TMEM232: variants seen among roughly 807,000 people sequenced by gnomAD.
TMEM232 encodes the protein transmembrane protein 232.
TMEM232 carries 80 observed loss-of-function variants against 78.8 expected under a neutral mutation model. That is an observed-to-expected ratio of 1.01 (90% CI 0.85 to 1.22). The LOEUF is 1.22. Among genes scored for constraint, TMEM232 ranks in the 50% most tolerant of loss-of-function variants. The probability of loss-of-function intolerance (pLI) is 0.00; values close to 1 mark genes in which losing one functional copy is unlikely to be tolerated. For missense variants in TMEM232, 881 were observed against 742.2 expected (o/e 1.19, Z -2.17); for synonymous variants, 297 against 254.3 (o/e 1.17, Z -1.60).
chr5:110,551,031 C>T (rs1464262832), intron 11 of TMEM232, among the ~76,000 whole-genome samples: 1 of 151,442 alleles, frequency 6.6e-6, no homozygotes, highest in Non-Finnish European at 1.5e-5. Flanking sequence ...TTTAAAAGTA[C>T]CAACATAATA....
chr5:110,451,284 G>C (rs1760247543), intron 12 of TMEM232, among the ~76,000 whole-genome samples: 1 of 152,104 alleles, frequency 6.6e-6, no homozygotes, highest in Non-Finnish European at 1.5e-5. Context: ...TTGAGAGCAA[G>C]AATATTTTCT....
rs1758026853 is a variant in TMEM232, at chr5:110,432,973, C to T, written c.1704-8057G>A. ...TATATGCACTCAATATTGGAGCACC[C>T]GGCTTTATAAAACACTTACTTCTAG... On this transcript the variant is annotated intron_variant, in intron 12 of 13. Transcript: ENST00000455884. Among the ~76,000 whole-genome samples the T allele has an allele frequency of 4.6e-5, 7 of 151,838 alleles. No homozygotes were observed. In the South Asian group the frequency reaches 1.2e-3, roughly 27 times the overall value.
At chr5:110,737,365 C>T (rs1046575745) in intron 1 of TMEM232, among the ~76,000 whole-genome samples, 12 of 151,816 alleles carry the variant, frequency 7.9e-5, no homozygotes, top group African/African-American at 2.9e-4. Flanking sequence ...GTATGTTATC[C>T]ATGCCAGAAA....
chr5:110,723,923 A>G (rs947443510), intron 1 of TMEM232, among the ~76,000 whole-genome samples: 5 of 152,168 alleles, frequency 3.3e-5, no homozygotes, highest in African/African-American at 1.2e-4. Flanking sequence ...TCACCTTGCT[A>G]TCAAGAGATG....
At chr5:110,392,897 A>G (rs1027084878) in intron 3 of TMEM232, among the ~76,000 whole-genome samples, 1 of 152,192 alleles carries the variant, frequency 6.6e-6, no homozygotes, top group African/African-American at 2.4e-5. Context: ...GTTGTCCCAC[A>G]ATATCTCATT....
At chr5:110,591,964 T>C (rs1356029121) in intron 10 of TMEM232, among the ~76,000 whole-genome samples, 2 of 152,172 alleles carry the variant, frequency 1.3e-5, no homozygotes, top group Non-Finnish European at 2.9e-5. Flanking sequence ...CCATTTTCTG[T>C]GGTCCTGTGG....
At chr5:110,654,721 C>A (rs1272238263) in intron 2 of TMEM232, among the ~76,000 whole-genome samples, 1 of 152,134 alleles carries the variant, frequency 6.6e-6, no homozygotes, top group Non-Finnish European at 1.5e-5. Flanking sequence ...GGCATTGAAT[C>A]TATAAATTAC....
intron 2 of TMEM232, among the ~76,000 whole-genome samples, chr5:110,662,345 T>C (rs1191920235): frequency 2.0e-5 from 3 of 152,116 alleles, no homozygotes; most frequent in Non-Finnish European, 4.4e-5. Context: ...TAAAACTGTA[T>C]TGAGAAAATT....
chr5:110,502,312 C>T (rs370202556), intron 12 of TMEM232, among the ~76,000 whole-genome samples: 5 of 152,230 alleles, frequency 3.3e-5, no homozygotes, highest in East Asian at 3.9e-4. Flanking sequence ...TGACAAATCA[C>T]AGGGCTAAAG....
At chr5:110,587,689 A>ATG (rs1313192902) in intron 10 of TMEM232, among the ~76,000 whole-genome samples, 1,625 of 52,904 alleles carry the variant, frequency 0.031, 8 homozygotes, top group Middle Eastern at 0.042. Flanking sequence ...ATATATATAT[A>ATG]TATGTGTGTG....
intron 3 of TMEM232, among the ~76,000 whole-genome samples, chr5:110,394,258 T>C (rs1755307093): frequency 6.6e-6 from 1 of 152,220 alleles, no homozygotes; most frequent in Non-Finnish European, 1.5e-5. Flanking sequence ...TCCAATTGCA[T>C]CTATGCAGTT....
intron 10 of TMEM232, among the ~76,000 whole-genome samples, chr5:110,587,215 G>GACAC (rs145577144): frequency 6.6e-6 from 1 of 151,068 alleles, no homozygotes; most frequent in East Asian, 2.0e-4. Flanking sequence ...TACACCCAGA[G>GACAC]ACACACACAC....
chr5:110,389,531 T>C (rs1043246330), intron 4 of TMEM232, among the ~76,000 whole-genome samples: 3 of 152,170 alleles, frequency 2.0e-5, no homozygotes, highest in African/African-American at 7.2e-5. Context: ...TAAACCTCGG[T>C]GAAAAATTTG....
intron 12 of TMEM232, among the ~76,000 whole-genome samples, chr5:110,484,884 G>T (rs140120129): frequency 6.6e-6 from 1 of 151,818 alleles, no homozygotes; most frequent in Non-Finnish European, 1.5e-5. Flanking sequence ...CAACGGTCAA[G>T]ACCTCAACAC....
chr5:110,722,772 G>C (rs916058088), intron 1 of TMEM232, among the ~76,000 whole-genome samples: 35 of 152,210 alleles, frequency 2.3e-4, no homozygotes, highest in Admixed American at 1.0e-3. Context: ...GAGCATCTTA[G>C]AGGCTGGCTA....
At chr5:110,538,804 C>A (rs1772731455) in intron 11 of TMEM232, among the ~76,000 whole-genome samples, 1 of 150,934 alleles carries the variant, frequency 6.6e-6, no homozygotes. Context: ...CATGGGTACC[C>A]AAATTCAGTT....
At chr5:110,411,703 A>G (rs1756000833) in intron 2 of TMEM232, among the ~76,000 whole-genome samples, 1 of 152,158 alleles carries the variant, frequency 6.6e-6, no homozygotes, top group Non-Finnish European at 1.5e-5. Flanking sequence ...GTCTTTTCAT[A>G]ATAGTCTTAT....
chr5:110,633,175 A>C (rs1785357368), intron 5 of TMEM232, among the ~76,000 whole-genome samples: 1 of 152,232 alleles, frequency 6.6e-6, no homozygotes, highest in African/African-American at 2.4e-5. Context: ...GGTCTTTTAC[A>C]GACAAGCAAA....
At chr5:110,602,191 C>T (rs1489571788) in intron 10 of TMEM232, among the ~76,000 whole-genome samples, 1 of 152,054 alleles carries the variant, frequency 6.6e-6, no homozygotes, top group African/African-American at 2.4e-5. Context: ...ACCACAAAAA[C>T]CCTAGAAGAA....
Sources: gnomAD v4.1 joint callset for allele counts (sites outside exome capture counted in the v4.1 genomes callset) on GRCh38, gnomAD v4.1.1 for gene constraint, MANE v1.5 for transcripts, NCBI Gene and HGNC (gene_info 2026-07-23, HGNC 2026-07-21) for gene names.